Variants in THOC5 observed in about 807,000 individuals in gnomAD.
THOC5 encodes THO complex subunit 5.
A neutral mutation model predicts 92.9 loss-of-function variants in THOC5; 43 were observed. The ratio of observed to expected loss-of-function variants is 0.46; its 90% CI spans 0.36 to 0.60. The LOEUF (loss-of-function observed/expected upper bound fraction) is 0.60, where lower values mean the gene tolerates loss of function less well. THOC5 is among the 20% of genes least tolerant of loss of function. THOC5 has a pLI of 0.00. For missense variants in THOC5, 659 were observed against 849.4 expected, an observed-to-expected ratio of 0.78 and a Z score of 2.79; for synonymous variants, 296 against 320.1, an observed-to-expected ratio of 0.92 and a Z score of 0.80.
intron 1 of THOC5, among the ~76,000 whole-genome samples, chr22:29,552,978 T>C (rs947728691): frequency 2.0e-5 from 3 of 152,174 alleles, no homozygotes; most frequent in East Asian, 1.9e-4. Flanking sequence ...CTGTGTCCAC[T>C]CAGGGTTAAA....
At chr22:29,529,555 A>G (rs1013782476) in intron 8 of THOC5, among the ~76,000 whole-genome samples, 1 of 152,254 alleles carries the variant, frequency 6.6e-6, no homozygotes, top group African/African-American at 2.4e-5. Flanking sequence ...CTAAAGCCAC[A>G]TGGAACTCCT....
chr22:29,537,162 A>G (rs2063775851), intron 6 of THOC5, among the ~76,000 whole-genome samples: 1 of 152,272 alleles, frequency 6.6e-6, no homozygotes, highest in Non-Finnish European at 1.5e-5. Context: ...ACATGGACTT[A>G]GCAGCTATAT....
chr22:29,532,092 G>A, intron 7 of THOC5, 129 bp from the exon 8 acceptor site: 3 of 1,102,586 alleles, frequency 2.7e-6, no homozygotes, highest in South Asian at 1.8e-5. Context: ...ACTAATAGGT[G>A]GATAAAAGCT....
At chr22:29,525,722 T>C in intron 12 of THOC5, 116 bp downstream of exon 12, 1 of 701,336 alleles carries the variant, frequency 1.4e-6, no homozygotes, top group Non-Finnish European at 2.4e-6. Flanking sequence ...ACAAGACAAG[T>C]CAACACAGCC....
At chr22:29,516,690 GGA>G (rs1412884947) in intron 17 of THOC5, among the ~76,000 whole-genome samples, 1 of 152,226 alleles carries the variant, frequency 6.6e-6, no homozygotes, top group African/African-American at 2.4e-5. Flanking sequence ...TTATGAAGAG[GGA>G]GAAGGAGGAG....
chr22:29,529,126 GT>G, intron 9 of THOC5, 35 bp downstream of exon 9: 5 of 1,606,288 alleles, frequency 3.1e-6, no homozygotes, highest in Non-Finnish European at 4.3e-6. Flanking sequence ...TGGTGACCTG[GT>G]GTCCCTGGGG....
rs2063427837 is a variant in THOC5, at chr22:29,520,879, C to T, written c.1277+119G>A. 8.2e-6 allele frequency: 6 copies of T among 734,736 alleles called. No homozygotes were observed. The East Asian group carries it at 1.5e-4, about 18-fold the overall frequency. 45.5% of individuals were successfully genotyped at this position (734,736 alleles called of 1,614,324 possible). A position where few individuals can be genotyped will look rare whatever the true frequency, so the allele number is the denominator to read the frequency against. On this transcript the variant is annotated intron_variant, in intron 13 of 19. Transcript: ENST00000490103. Reference sequence around the variant, plus strand: ...GAAAGAACAAACATTTCCTTCTACCCTGTGGTCTTTCCTATCCTCTGGGTC... The same window carrying T: ...GAAAGAACAAACATTTCCTTCTACCTTGTGGTCTTTCCTATCCTCTGGGTC...
At chr22:29,515,108 C>G (rs1411891107) in intron 17 of THOC5, among the ~76,000 whole-genome samples, 1 of 152,084 alleles carries the variant, frequency 6.6e-6, no homozygotes, top group East Asian at 1.9e-4. Flanking sequence ...GTGGCATGAT[C>G]TCGGCTCATT....
At chr22:29,529,263 T>TAGGAAAGCTGCTG in intron 8 of THOC5, 24 bp from the exon 9 acceptor site, 1 of 1,613,678 alleles carries the variant, frequency 6.2e-7, no homozygotes, top group Non-Finnish European at 8.5e-7. Context: ...AGAAGTCTGT[T>TAGGAAAGCTGCTG]AGGAAAGCTG....
chr22:29,532,439 G>C (rs971987339), intron 7 of THOC5, among the ~76,000 whole-genome samples: 3 of 152,184 alleles, frequency 2.0e-5, no homozygotes, highest in African/African-American at 7.2e-5. Context: ...TGAGGCAGAT[G>C]GATCACCTGA....
At chr22:29,542,651 C>A (rs1255960411) in intron 5 of THOC5, among the ~76,000 whole-genome samples, 9 of 152,106 alleles carry the variant, frequency 5.9e-5, no homozygotes. Flanking sequence ...GCAATCCCAG[C>A]TACTCAGAAG....
At chr22:29,535,378 C>T (rs1356141639) in intron 7 of THOC5, 1 of 151,530 alleles carries the variant, frequency 6.6e-6, no homozygotes, top group East Asian at 1.9e-4. Context: ...GCTCCCAGTT[C>T]CCAGTCCTCA....
At chr22:29,548,965 C>A (rs553696209) in intron 2 of THOC5, 87 bp downstream of exon 2, 1 of 1,325,182 alleles carries the variant, frequency 7.5e-7, no homozygotes, top group Middle Eastern at 2.4e-4. Context: ...CTGGTAGATG[C>A]GACCCCGAGC....
rs1488771031 is a variant in THOC5 at position 29,539,488 on chromosome 22, A to C, written c.453-12T>G. The stretch of plus-strand genomic sequence containing the variant: ...CTTCATGCTTTGACCTACAGACAAA[A>C]ACATGACATCAAGCTGCTGTTCTCA... On this transcript the variant is annotated splice_polypyrimidine_tract_variant and intron_variant, in intron 5 of 19. Coordinates refer to ENST00000490103, the MANE Select transcript of THOC5 (RefSeq NM_003678.5). The C allele has an allele frequency of 6.2e-7, 1 of 1,609,768 alleles. No individual in the cohort carries two copies. Among genetic ancestry groups the C allele is most frequent in the Non-Finnish European group, 8.5e-7 (1 of 1,178,310 alleles).
At chr22:29,528,995 G>T in intron 9 of THOC5, 167 bp downstream of exon 9, 1 of 662,182 alleles carries the variant, frequency 1.5e-6, no homozygotes. Flanking sequence ...GCCGCACCTT[G>T]TGACTCCGGG....
chr22:29,521,232 G>T, intron 12 of THOC5, 133 bp from the exon 13 acceptor site: 1 of 679,076 alleles, frequency 1.5e-6, no homozygotes. Context: ...GCTTTCTGTG[G>T]GCCAGACCGT....
chr22:29,519,142 A>G, intron 14 of THOC5, 22 bp from the exon 15 acceptor site: 1 of 1,536,244 alleles, frequency 6.5e-7, no homozygotes, highest in Non-Finnish European at 9.0e-7. Flanking sequence ...AATGAGACAC[A>G]TACACGTGTG....
chr22:29,509,696 C>G (rs954383538), intron 19 of THOC5, among the ~76,000 whole-genome samples: 2 of 147,656 alleles, frequency 1.4e-5, no homozygotes, highest in African/African-American at 5.0e-5. Flanking sequence ...ACTGCTTAGA[C>G]TGACAGGGAA....
At chr22:29,509,203 G>C (rs1326428700) in intron 19 of THOC5, among the ~76,000 whole-genome samples, 2 of 150,924 alleles carry the variant, frequency 1.3e-5, no homozygotes, top group African/African-American at 4.9e-5. Context: ...CTTTGGCCGG[G>C]AGGTGGAGGT....
Sources: allele counts gnomAD v4.1 joint callset (sites outside exome capture counted in the v4.1 genomes callset), GRCh38; gene constraint gnomAD v4.1.1; transcripts MANE v1.5; gene names NCBI Gene and HGNC (gene_info 2026-07-23, HGNC 2026-07-21).